Variants in TNKS2 observed in about 807,000 individuals in gnomAD.
TNKS2 encodes poly [ADP-ribose] polymerase tankyrase-2.
A neutral mutation model predicts 137.6 loss-of-function variants in TNKS2; 72 were observed. The ratio of observed to expected loss-of-function variants is 0.52; its 90% CI spans 0.43 to 0.64. The LOEUF (loss-of-function observed/expected upper bound fraction) is 0.64, where lower values mean the gene tolerates loss of function less well. TNKS2 is among the 30% of genes least tolerant of loss of function. The pLI is 0.00. For synonymous variants in TNKS2, 516 were observed against 512.1 expected (o/e 1.01, Z -0.10); for missense variants, 1,049 against 1,410.2 (o/e 0.74, Z 4.10).
intron 1 of TNKS2, among the ~76,000 whole-genome samples, chr10:91,809,404 C>T (rs541076974): frequency 6.6e-6 from 1 of 152,074 alleles, no homozygotes; most frequent in Admixed American, 6.6e-5. Context: ...CGGTGGCTCA[C>T]GCCTGTAATC....
intron 18 of TNKS2, among the ~76,000 whole-genome samples, 169 bp downstream of exon 18, chr10:91,846,109 A>G (rs1027204348): frequency 6.6e-6 from 1 of 152,234 alleles, no homozygotes; most frequent in Admixed American, 6.5e-5. Flanking sequence ...ATTATAAAGT[A>G]ATATAATTAT....
At chr10:91,819,739 G>A (rs865810530) in intron 5 of TNKS2, among the ~76,000 whole-genome samples, 182 bp downstream of exon 5, 2 of 152,124 alleles carry the variant, frequency 1.3e-5, no homozygotes, top group Non-Finnish European at 2.9e-5. Context: ...ACAGTTATTT[G>A]CTTCCTATAT....
chr10:91,807,362 A>G lies in TNKS2; in HGVS notation c.200-5621A>G, dbSNP rs1471605764. 4 of 1,614,052 alleles carry G rather than the reference A, an allele frequency of 2.5e-6. No homozygotes were observed. The Admixed American group carries it at 6.7e-5, about 27-fold the overall frequency. On this transcript the variant is annotated intron_variant, in intron 1 of 26. Transcript: ENST00000371627. ...CAGAATGCCTATATTTGAGAACCAC[A>G]CGTGCCTTCATAGGGTCAGCGAGGT...
chr10:91,805,107 CT>C (rs5786972), intron 1 of TNKS2, among the ~76,000 whole-genome samples: 84,272 of 146,992 alleles, frequency 0.57, 24,248 homozygotes, highest in East Asian at 0.72. Flanking sequence ...CTCCAAGCAA[CT>C]TTTTTTTTTT....
rs12411706 is a variant in TNKS2 at position 91,840,545 on chromosome 10, G to A, written c.1528-16G>A. The A allele has an allele frequency of 3.7e-6, 4 of 1,090,128 alleles. No homozygotes were observed. Among genetic ancestry groups the A allele is most frequent in the Non-Finnish European group, 5.0e-6 (4 of 800,552 alleles). The allele number at this position is 1,090,128 out of a possible 1,614,324, so 67.5% of individuals were successfully genotyped here. ...ATGTAGATGTAGTATCATGTATGTT[G>A]TGTTTTGTCCTTCAGAAACTGTGTA... On this transcript the variant is annotated splice_polypyrimidine_tract_variant and intron_variant, in intron 13 of 26. Coordinates refer to ENST00000371627, the MANE Select transcript of TNKS2 (RefSeq NM_025235.4).
intron 11 of TNKS2, among the ~76,000 whole-genome samples, chr10:91,832,962 T>G (rs1037863678): frequency 3.9e-5 from 6 of 152,182 alleles, no homozygotes; most frequent in Non-Finnish European, 8.8e-5. Context: ...TATCTTATTT[T>G]TTCACACATT....
At chr10:91,800,608 A>C (rs1844135532) in intron 1 of TNKS2, among the ~76,000 whole-genome samples, 1 of 152,144 alleles carries the variant, frequency 6.6e-6, no homozygotes. Context: ...GGAAGACTTA[A>C]TATTTTGGAA....
At chr10:91,856,272 CA>C (rs1308443315) in intron 23 of TNKS2, among the ~76,000 whole-genome samples, 1 of 152,056 alleles carries the variant, frequency 6.6e-6, no homozygotes, top group East Asian at 1.9e-4. Context: ...AACTGCACAC[CA>C]TACTTGATGC....
At chr10:91,838,383 A>T (rs1203306509) in intron 13 of TNKS2, among the ~76,000 whole-genome samples, 2 of 152,146 alleles carry the variant, frequency 1.3e-5, no homozygotes, top group African/African-American at 2.4e-5. Context: ...CTCCAGACAG[A>T]TGGCTCTGTA....
intron 25 of TNKS2, among the ~76,000 whole-genome samples, chr10:91,859,851 A>G (rs1459020119): frequency 6.6e-6 from 1 of 152,160 alleles, no homozygotes; most frequent in African/African-American, 2.4e-5. Flanking sequence ...TAAGCACTTG[A>G]CCTGTTTGGC....
rs183554090 is a variant in TNKS2 at position 91,836,282 on chromosome 10, A to G, written c.1448-637A>G. ...CTGTTCAAAGAAGCTTTTTTATTCC[A>G]TGTTATGAAAATATTCCCCCGTTTT... is the stretch of plus-strand genomic sequence containing the variant. On this transcript the variant is annotated intron_variant, in intron 12 of 26. Coordinates refer to ENST00000371627, the MANE Select transcript of TNKS2 (RefSeq NM_025235.4). Among the ~76,000 whole-genome samples, 29 of 151,780 alleles carry G rather than the reference A, an allele frequency of 1.9e-4. No individual in the cohort carries two copies. The East Asian group carries it at 5.6e-3, about 29-fold the overall frequency.
At chr10:91,827,439 T>C (rs960436922) in intron 8 of TNKS2, among the ~76,000 whole-genome samples, 1 of 152,258 alleles carries the variant, frequency 6.6e-6, no homozygotes, top group Non-Finnish European at 1.5e-5. Context: ...ATATGTGCTG[T>C]ATTAGACTTA....
At chr10:91,826,781 G>A (rs895989731) in intron 7 of TNKS2, among the ~76,000 whole-genome samples, 16 of 152,240 alleles carry the variant, frequency 1.1e-4, no homozygotes, top group African/African-American at 2.6e-4. Flanking sequence ...CTAAAGCTTC[G>A]TTCTTAACTG....
intron 12 of TNKS2, among the ~76,000 whole-genome samples, 186 bp downstream of exon 12, chr10:91,834,210 T>C (rs538965753): frequency 1.3e-5 from 2 of 152,248 alleles, no homozygotes; most frequent in Non-Finnish European, 2.9e-5. Flanking sequence ...GTGATAATTA[T>C]GATTTTTGTT....
At chr10:91,813,657 A>G (rs1844579891) in intron 2 of TNKS2, among the ~76,000 whole-genome samples, 1 of 152,240 alleles carries the variant, frequency 6.6e-6, no homozygotes, top group Non-Finnish European at 1.5e-5. Context: ...GGAGCTTAAT[A>G]TTAGTACGTG....
At chr10:91,828,978 G>A (rs1050513956) in intron 9 of TNKS2, among the ~76,000 whole-genome samples, 1 of 152,240 alleles carries the variant, frequency 6.6e-6, no homozygotes. Context: ...AAAGATAAGA[G>A]AGGGAATGGT....
chr10:91,815,813 A>G (rs935505564), intron 2 of TNKS2, among the ~76,000 whole-genome samples: 10 of 152,132 alleles, frequency 6.6e-5, no homozygotes, highest in African/African-American at 2.4e-4. Context: ...TCACCCTATC[A>G]AAGAACAGGA....
intron 1 of TNKS2, among the ~76,000 whole-genome samples, chr10:91,803,027 A>G (rs1041217435): frequency 2.0e-5 from 3 of 152,184 alleles, no homozygotes; most frequent in Non-Finnish European, 4.4e-5. Flanking sequence ...TACTCCTTTC[A>G]GTGTACCCCC....
chr10:91,819,303 C>T lies in TNKS2; in HGVS notation c.554C>T (p.Ala185Val). ...EYKKDELLES[A>V]RSGNEEKMMA... ...AAGAAAGATGAACTCTTAGAAAGTGCCAGGTACGTACTAATGTTATAAATA... is the reference window on the plus strand; with the variant it reads ...AAGAAAGATGAACTCTTAGAAAGTGTCAGGTACGTACTAATGTTATAAATA... The change falls in exon 4 of 27, where the codon GCC (alanine) becomes GTC (valine). Residue 185 changes from alanine to valine, a missense_variant. Ala to Val is a moderately conservative substitution (Grantham distance 64, BLOSUM62 0). Coordinates refer to ENST00000371627, the MANE Select transcript of TNKS2 (RefSeq NM_025235.4). The T allele has an allele frequency of 6.8e-7, 1 of 1,465,506 alleles. No homozygotes were observed. Among genetic ancestry groups the T allele is most frequent in the South Asian group, 1.4e-5 (1 of 69,830 alleles). 90.8% of individuals were successfully genotyped at this position (1,465,506 alleles called of 1,614,324 possible).
Sources: gnomAD v4.1 joint callset for allele counts (sites outside exome capture counted in the v4.1 genomes callset) on GRCh38, gnomAD v4.1.1 for gene constraint, MANE v1.5 for transcripts, NCBI Gene and HGNC (gene_info 2026-07-23, HGNC 2026-07-21) for gene names.